Variants in MSI2 observed in about 807,000 individuals in gnomAD.
MSI2 encodes RNA-binding protein Musashi homolog 2.
MSI2 carries 17 observed loss-of-function variants against 45.6 expected under a neutral mutation model. The observed-to-expected ratio is 0.37, with a 90% CI of 0.26 to 0.56. The LOEUF (loss-of-function observed/expected upper bound fraction) is 0.56, where lower values mean the gene tolerates loss of function less well. Among genes scored for constraint, MSI2 ranks in the 20% least tolerant of loss-of-function variants. The pLI, the probability that MSI2 is intolerant of heterozygous loss-of-function variation, is 0.77. For missense variants in MSI2, 293 were observed against 444.2 expected (o/e 0.66, Z 3.06); for synonymous variants, 156 against 158.2 (o/e 0.99, Z 0.11).
At chr17:57,543,077 A>T (rs1398988495) in intron 7 of MSI2, among the ~76,000 whole-genome samples, 3 of 148,726 alleles carry the variant, frequency 2.0e-5, no homozygotes, top group African/African-American at 7.8e-5. Context: ...AATGGTTCCT[A>T]CTCAATGCTT....
At chr17:57,625,101 C>T (rs909369305) in intron 9 of MSI2, among the ~76,000 whole-genome samples, 5 of 152,156 alleles carry the variant, frequency 3.3e-5, no homozygotes, top group African/African-American at 4.8e-5. Context: ...TTCATGAGGG[C>T]TCCACCTCAT....
chr17:57,636,731 C>G (rs1416762879), intron 10 of MSI2, among the ~76,000 whole-genome samples: 3 of 152,236 alleles, frequency 2.0e-5, no homozygotes, highest in African/African-American at 4.8e-5. Flanking sequence ...GTTTCCTCAT[C>G]TCCTGCCCCA....
intron 6 of MSI2, among the ~76,000 whole-genome samples, chr17:57,441,121 TC>T (rs2084792432): frequency 6.6e-6 from 1 of 151,998 alleles, no homozygotes; most frequent in Non-Finnish European, 1.5e-5. Context: ...GAGGATGAAG[TC>T]TTTGTATTCT....
intron 6 of MSI2, among the ~76,000 whole-genome samples, chr17:57,499,664 G>A (rs1484797824): frequency 6.6e-6 from 1 of 152,214 alleles, no homozygotes; most frequent in African/African-American, 2.4e-5. Flanking sequence ...TTTCTGTGGA[G>A]CGGGAATTTG....
chr17:57,507,263 G>A (rs1384454377), intron 6 of MSI2, among the ~76,000 whole-genome samples: 2 of 149,236 alleles, frequency 1.3e-5, no homozygotes, highest in East Asian at 4.0e-4. Flanking sequence ...GTGTGTGTGT[G>A]TGTGTGTGTG....
chr17:57,547,470 G>T (rs2087196230), intron 7 of MSI2, among the ~76,000 whole-genome samples: 1 of 152,090 alleles, frequency 6.6e-6, no homozygotes, highest in East Asian at 1.9e-4. Context: ...AGTGGAGGTG[G>T]GGAGAGGCAG....
At chr17:57,334,738 G>A (rs1403270316) in intron 5 of MSI2, among the ~76,000 whole-genome samples, 2 of 151,710 alleles carry the variant, frequency 1.3e-5, no homozygotes, top group East Asian at 1.9e-4. Flanking sequence ...AGGTTGCAGT[G>A]AGCCAAGATT....
At chr17:57,425,978 A>T (rs2084484480) in intron 6 of MSI2, among the ~76,000 whole-genome samples, 2 of 152,108 alleles carry the variant, frequency 1.3e-5, no homozygotes, top group South Asian at 4.2e-4. Flanking sequence ...ATTTTTTTTT[A>T]ATATTGAAGA....
intron 6 of MSI2, among the ~76,000 whole-genome samples, chr17:57,447,691 C>T (rs148630755): frequency 4.7e-4 from 71 of 152,228 alleles, no homozygotes; most frequent in Middle Eastern, 3.4e-3. Context: ...GATGGATCAT[C>T]CCCTGAGGAG....
intron 5 of MSI2, among the ~76,000 whole-genome samples, chr17:57,369,918 G>A (rs961781882): frequency 6.6e-5 from 10 of 152,326 alleles, no homozygotes; most frequent in African/African-American, 2.4e-4. Flanking sequence ...CAGGAGAAAA[G>A]AGCCAGAGTA....
chr17:57,556,215 G>A (rs924823717), intron 7 of MSI2, among the ~76,000 whole-genome samples: 1 of 152,138 alleles, frequency 6.6e-6, no homozygotes, highest in Admixed American at 6.5e-5. Context: ...AGTTGCAGTG[G>A]AGCTTGCCCT....
intron 5 of MSI2, among the ~76,000 whole-genome samples, chr17:57,354,223 A>G (rs947982857): frequency 6.6e-6 from 1 of 152,198 alleles, no homozygotes; most frequent in African/African-American, 2.4e-5. Flanking sequence ...TGTGGACTGC[A>G]TGCTATAGTT....
chr17:57,684,989 C>G, downstream of MSI2, among the ~76,000 whole-genome samples: 1 of 152,070 alleles, frequency 6.6e-6, no homozygotes, highest in Admixed American at 6.5e-5. Flanking sequence ...CCCAAAGGTC[C>G]TGCGGATCAG....
At chr17:57,575,631 C>T (rs1338275496) in intron 7 of MSI2, among the ~76,000 whole-genome samples, 2 of 152,162 alleles carry the variant, frequency 1.3e-5, no homozygotes, top group African/African-American at 4.8e-5. Flanking sequence ...TCCACTCCCC[C>T]TGGCCCAGGC....
chr17:57,263,884 C>T (rs926493022), intron 5 of MSI2: 1 of 152,176 alleles, frequency 6.6e-6, no homozygotes. Flanking sequence ...AACATCTTTC[C>T]ATGAATTCTA....
intron 6 of MSI2, among the ~76,000 whole-genome samples, chr17:57,517,976 C>T (rs984369785): frequency 6.6e-6 from 1 of 152,138 alleles, no homozygotes; most frequent in Non-Finnish European, 1.5e-5. Context: ...ACCAACTCTG[C>T]GTGTTTGTCA....
At chr17:57,256,378 G>T (rs1192652835), upstream of MSI2, among the ~76,000 whole-genome samples, 2 of 151,238 alleles carry the variant, frequency 1.3e-5, no homozygotes, top group Non-Finnish European at 3.0e-5. Flanking sequence ...ACGGGGGTGC[G>T]TGACGTCACC....
intron 6 of MSI2, among the ~76,000 whole-genome samples, chr17:57,511,189 G>T (rs1198517497): frequency 6.6e-6 from 1 of 152,232 alleles, no homozygotes; most frequent in Non-Finnish European, 1.5e-5. Flanking sequence ...CCCAGGTGCA[G>T]CCTGAAGGAT....
intron 7 of MSI2, among the ~76,000 whole-genome samples, chr17:57,564,985 G>A (rs1316676529): frequency 6.6e-6 from 1 of 152,234 alleles, no homozygotes; most frequent in African/African-American, 2.4e-5. Flanking sequence ...GCACCTAACA[G>A]TGCTAGATGC....
Sources: gnomAD v4.1 joint callset for allele counts (sites outside exome capture counted in the v4.1 genomes callset) on GRCh38, gnomAD v4.1.1 for gene constraint, MANE v1.5 for transcripts, NCBI Gene and HGNC (gene_info 2026-07-23, HGNC 2026-07-21) for gene names.